Variants in PIK3C2A observed in about 807,000 individuals in gnomAD.
PIK3C2A encodes phosphatidylinositol-4-phosphate 3-kinase catalytic subunit type 2 alpha.
PIK3C2A carries 97 observed loss-of-function variants against 204.5 expected under a neutral mutation model. The observed-to-expected ratio is 0.47, with a 90% CI of 0.40 to 0.56. The LOEUF is 0.56. Ranked by LOEUF, PIK3C2A falls within the 20% of genes least tolerant of loss-of-function variation. The probability of loss-of-function intolerance (pLI) is 0.00; values close to 1 mark genes in which losing one functional copy is unlikely to be tolerated. For missense variants in PIK3C2A, 1,735 were observed against 1,969.2 expected (o/e 0.88, Z 2.25); for synonymous variants, 653 against 664.4 (o/e 0.98, Z 0.26).
At chr11:17,101,706 A>C (rs574534292) in intron 24 of PIK3C2A, among the ~76,000 whole-genome samples, 1,578 of 149,318 alleles carry the variant, frequency 0.011, 22 homozygotes, top group Non-Finnish European at 0.016. Flanking sequence ...TGGGTTCATG[A>C]CATTCTCCTG....
chr11:17,192,810 C>T (rs986289475), intron 1 of PIK3C2A, among the ~76,000 whole-genome samples: 1 of 152,238 alleles, frequency 6.6e-6, no homozygotes, highest in South Asian at 2.1e-4. Flanking sequence ...CAGTATTTGA[C>T]TTTAAACATT....
At chr11:17,102,432 G>C (rs185706510) in intron 24 of PIK3C2A, among the ~76,000 whole-genome samples, 2 of 152,134 alleles carry the variant, frequency 1.3e-5, no homozygotes, top group Non-Finnish European at 2.9e-5. Flanking sequence ...GCAAGACTCC[G>C]TCTCAAAAAA....
At position 17,180,140 on chromosome 11, in the gene PIK3C2A, CA is replaced by C. The variant is rs915180327; in HGVS notation, c.-65-10335del. 5.1e-4 allele frequency among the ~76,000 whole-genome samples: 77 copies of C among 152,084 alleles called. 1 individual carries two copies. Among genetic ancestry groups the C allele is most frequent in the Non-Finnish European group, 1.6e-4 (11 of 68,026 alleles). ...GTATACTATGCATCAAGCACTGCTG[CA>C]GGCAATGAAAAGCTAAAATAAAAAT... On this transcript the variant is annotated intron_variant, in intron 1 of 32. Transcript: ENST00000691414.
intron 1 of PIK3C2A, among the ~76,000 whole-genome samples, chr11:17,189,006 A>G (rs1205115882): frequency 1.4e-5 from 2 of 147,094 alleles, no homozygotes; most frequent in East Asian, 3.9e-4. Flanking sequence ...GAAAGGCAAG[A>G]AGCACAATTA....
chr11:17,207,670 G>A (rs1473644667), intron 1 of PIK3C2A, among the ~76,000 whole-genome samples, 178 bp downstream of exon 1: 3 of 152,138 alleles, frequency 2.0e-5, no homozygotes, highest in Admixed American at 6.5e-5. Context: ...GGCCCGGAGG[G>A]AGGGGGGAGT....
intron 1 of PIK3C2A, among the ~76,000 whole-genome samples, chr11:17,184,431 CTT>C (rs1192854697): frequency 6.6e-6 from 1 of 151,458 alleles, no homozygotes; most frequent in Non-Finnish European, 1.5e-5. Flanking sequence ...GTGTTTGTGT[CTT>C]AGTTTTTAAC....
Position 17,145,854 on chromosome 11 carries a change from A to C in PIK3C2A, c.1640+9T>G. 1 of 1,610,152 alleles carries C rather than the reference A, an allele frequency of 6.2e-7. No homozygotes were observed. On this transcript the variant is annotated intron_variant, in intron 7 of 32. Coordinates refer to ENST00000691414, the MANE Select transcript of PIK3C2A (RefSeq NM_002645.4). ...TGAAAACCTGCAATTAATGCTTTAG[A>C]TGATATACCTCGTCATGGCTTCTTT...
In PIK3C2A at chr11:17,122,344, T is replaced by C; in HGVS notation, c.2512-11A>G. ...AGAAGGAAAATCAACCTTTAAAATT[T>C]AACAGAAATTGATCAAATTACAGTC... On this transcript the variant is annotated splice_polypyrimidine_tract_variant and intron_variant, in intron 14 of 32. Coordinates refer to ENST00000691414, the MANE Select transcript of PIK3C2A (RefSeq NM_002645.4). The C allele has an allele frequency of 6.7e-7, 1 of 1,490,938 alleles. No homozygotes were observed. Among genetic ancestry groups the C allele is most frequent in the Non-Finnish European group, 9.3e-7 (1 of 1,080,456 alleles). 92.4% of individuals were successfully genotyped at this position (1,490,938 alleles called of 1,614,324 possible).
intron 8 of PIK3C2A, among the ~76,000 whole-genome samples, chr11:17,141,095 C>T (rs118092964): frequency 0.011 from 1,700 of 152,128 alleles, 20 homozygotes; most frequent in Non-Finnish European, 0.017. Context: ...CCATACTGTG[C>T]GGAACCTTGA....
At position 17,091,591 on chromosome 11, in the gene PIK3C2A, G is replaced by C; in HGVS notation, c.4708C>G (p.Arg1570Gly). Residue 1570 changes from arginine (R) to glycine (G), a missense_variant, in exon 31 of 33, where the codon CGA (arginine) becomes GGA (glycine). Arg to Gly is a moderately radical substitution (Grantham distance 125). Coordinates refer to ENST00000691414, the MANE Select transcript of PIK3C2A (RefSeq NM_002645.4). ...GGAVKLSISY[R>G]NGTLFIMVMH... The stretch of plus-strand genomic sequence containing the variant: ...ACCATGATGAAAAGAGTACCATTTC[G>C]GTAAGAGATGGATAATTTCACAGCT... The C allele has an allele frequency of 6.2e-7, 1 of 1,612,932 alleles. No homozygotes were observed. The highest frequency in any genetic ancestry group is 8.5e-7 in the Non-Finnish European group (1 of 1,178,962).
In PIK3C2A at chr11:17,205,473, C is replaced by CAA. The variant is rs755518412; in HGVS notation, c.-66+2373_-66+2374dup. On this transcript the variant is annotated intron_variant, in intron 1 of 32. Transcript: ENST00000691414. ...TCGTCAACAGAGTGAGACTCCATCT[C>CAA]AAAAAAAAAAAAAAAAAAAAAAAAA... Among the ~76,000 whole-genome samples, 56 of 25,352 alleles carry CAA rather than the reference C, an allele frequency of 2.2e-3. 4 individuals are homozygous for CAA. The highest frequency in any genetic ancestry group is 4.6e-3 in the African/African-American group (40 of 8,710). The allele number at this position is 25,352 out of a possible 152,430, so 16.6% of individuals were successfully genotyped here.
chr11:17,101,264 T>G lies in PIK3C2A; in HGVS notation c.4008+14A>C. On this transcript the variant is annotated intron_variant, in intron 25 of 32. Coordinates refer to ENST00000691414, the MANE Select transcript of PIK3C2A (RefSeq NM_002645.4). Reference sequence around the variant, plus strand: ...TAATATAAAACTAATTAAGTGCTTATAAAGAATAGTTACCAGTGAAAGGAG... The same window carrying G: ...TAATATAAAACTAATTAAGTGCTTAGAAAGAATAGTTACCAGTGAAAGGAG... 1 of 1,431,954 alleles carries G rather than the reference T, an allele frequency of 7.0e-7. No individual in the cohort carries two copies. The allele number at this position is 1,431,954 out of a possible 1,614,324, so 88.7% of individuals were successfully genotyped here. A position where few individuals can be genotyped will look rare whatever the true frequency, so the allele number is the denominator to read the frequency against.
intron 13 of PIK3C2A, among the ~76,000 whole-genome samples, chr11:17,126,029 C>T (rs1014004986): frequency 6.6e-6 from 1 of 152,072 alleles, no homozygotes; most frequent in Non-Finnish European, 1.5e-5. Flanking sequence ...GAGGCTGAGG[C>T]ATGAGAATCA....
intron 1 of PIK3C2A, among the ~76,000 whole-genome samples, chr11:17,193,230 G>A (rs1415985761): frequency 4.6e-5 from 7 of 152,134 alleles, no homozygotes; most frequent in Non-Finnish European, 8.8e-5. Flanking sequence ...TCAATCTGTG[G>A]TATTGTTACA....
intron 13 of PIK3C2A, among the ~76,000 whole-genome samples, chr11:17,124,956 A>C (rs887587958): frequency 1.1e-4 from 16 of 152,144 alleles, no homozygotes; most frequent in Non-Finnish European, 2.9e-5. Context: ...GATTTGATTC[A>C]GATTTAGTTC....
At chr11:17,126,311 G>A (rs1310650515) in intron 13 of PIK3C2A, among the ~76,000 whole-genome samples, 1 of 151,832 alleles carries the variant, frequency 6.6e-6, no homozygotes, top group South Asian at 2.1e-4. Flanking sequence ...CTACCGGATG[G>A]GATCGGATGG....
intron 2 of PIK3C2A, among the ~76,000 whole-genome samples, chr11:17,165,052 A>G (rs1850901416): frequency 6.6e-6 from 1 of 152,124 alleles, no homozygotes; most frequent in South Asian, 2.1e-4. Context: ...TGACCAATCT[A>G]AACTAAAAAG....
chr11:17,102,121 A>T, intron 24 of PIK3C2A, among the ~76,000 whole-genome samples: 1 of 152,140 alleles, frequency 6.6e-6, no homozygotes, highest in Non-Finnish European at 1.5e-5. Flanking sequence ...AGATAAAAAA[A>T]ATATATGTCC....
chr11:17,110,339 C>A, intron 22 of PIK3C2A, 93 bp downstream of exon 22: 1 of 814,470 alleles, frequency 1.2e-6, no homozygotes, highest in Non-Finnish European at 1.9e-6. Flanking sequence ...ACTGTGATAC[C>A]AGGGTATCTG....
Sources: gnomAD v4.1 joint callset for allele counts (sites outside exome capture counted in the v4.1 genomes callset) on GRCh38, gnomAD v4.1.1 for gene constraint, MANE v1.5 for transcripts, NCBI Gene and HGNC (gene_info 2026-07-23, HGNC 2026-07-21) for gene names.